Variants in FAM135B observed in about 807,000 individuals in gnomAD.
FAM135B encodes the protein family with sequence similarity 135 member B, also known as protein FAM135B.
A neutral mutation model predicts 127.7 loss-of-function variants in FAM135B; 43 were observed. The observed-to-expected ratio is 0.34, with a 90% CI of 0.26 to 0.43. The LOEUF is 0.43. Ranked by LOEUF, FAM135B falls within the 20% of genes least tolerant of loss-of-function variation. FAM135B has a pLI of 1.00. For synonymous variants in FAM135B, 670 were observed against 665.1 expected (o/e 1.01, Z -0.11); for missense variants, 1,558 against 1,725.6 (o/e 0.90, Z 1.72).
At chr8:138,218,590 A>C (rs1376644067) in intron 7 of FAM135B, among the ~76,000 whole-genome samples, 1 of 152,166 alleles carries the variant, frequency 6.6e-6, no homozygotes, top group African/African-American at 2.4e-5. Flanking sequence ...TAGAAAAGTT[A>C]AAAAGATGAT....
intron 2 of FAM135B, chr8:138,367,274 A>C (rs1266876183): frequency 2.4e-6 from 1 of 415,294 alleles, no homozygotes; most frequent in Non-Finnish European, 4.8e-6. Flanking sequence ...TCATGAAGAC[A>C]TGTAGTTCAC....
At chr8:138,383,633 T>A in intron 1 of FAM135B, among the ~76,000 whole-genome samples, 1 of 152,232 alleles carries the variant, frequency 6.6e-6, no homozygotes, top group Non-Finnish European at 1.5e-5. Flanking sequence ...AAACTCAACA[T>A]GAGAAGTCAT....
chr8:138,362,279 ATATCT>A (rs1180433351), intron 2 of FAM135B, among the ~76,000 whole-genome samples: 5,061 of 122,438 alleles, frequency 0.041, 152 homozygotes, highest in East Asian at 0.12. Flanking sequence ...CCCCACCCCC[ATATCT>A]TTTTTTTTTT....
intron 1 of FAM135B, among the ~76,000 whole-genome samples, chr8:138,423,740 A>G (rs1587417571): frequency 6.6e-6 from 1 of 152,168 alleles, no homozygotes; most frequent in African/African-American, 2.4e-5. Context: ...CAGACAACCT[A>G]TCTGACCAAA....
At chr8:138,427,011 G>A (rs559330929) in intron 1 of FAM135B, among the ~76,000 whole-genome samples, 1 of 151,916 alleles carries the variant, frequency 6.6e-6, no homozygotes, top group Non-Finnish European at 1.5e-5. Context: ...TGGATTAATT[G>A]CATAATAATG....
At chr8:138,200,631 C>A (rs73717960) in intron 7 of FAM135B, among the ~76,000 whole-genome samples, 343 of 152,218 alleles carry the variant, frequency 2.3e-3, no homozygotes, top group African/African-American at 7.9e-3. Context: ...GTGTCCCATT[C>A]CCCCCAGCCT....
At chr8:138,147,259 A>G (rs1402951467) in intron 14 of FAM135B, among the ~76,000 whole-genome samples, 1 of 148,472 alleles carries the variant, frequency 6.7e-6, no homozygotes, top group Non-Finnish European at 1.5e-5. Flanking sequence ...TTCCCTAATG[A>G]TATGCCAGGG....
intron 3 of FAM135B, among the ~76,000 whole-genome samples, chr8:138,267,484 G>A (rs571245903): frequency 6.9e-6 from 1 of 145,812 alleles, no homozygotes; most frequent in Admixed American, 7.0e-5. Flanking sequence ...TCCAGTGAAA[G>A]AATAAAATGC....
At chr8:138,300,910 C>T (rs893404794) in intron 3 of FAM135B, among the ~76,000 whole-genome samples, 1 of 151,952 alleles carries the variant, frequency 6.6e-6, no homozygotes, top group African/African-American at 2.4e-5. Context: ...ACCAACACGC[C>T]CAGCTAATTT....
At chr8:138,227,714 CTTTTTTTTTTT>C (rs761660500) in intron 7 of FAM135B, among the ~76,000 whole-genome samples, 5 of 81,824 alleles carry the variant, frequency 6.1e-5, no homozygotes, top group South Asian at 4.7e-4. Flanking sequence ...TTTTGTCTCT[CTTTTTTTTTTT>C]TTTTTTTTTT....
At chr8:138,376,053 G>A (rs1206775793) in intron 1 of FAM135B, among the ~76,000 whole-genome samples, 2 of 152,130 alleles carry the variant, frequency 1.3e-5, no homozygotes, top group Admixed American at 1.3e-4. Flanking sequence ...GAGTGAGGTG[G>A]CATGATCTCG....
intron 7 of FAM135B, among the ~76,000 whole-genome samples, chr8:138,226,274 C>A (rs932983687): frequency 6.6e-6 from 1 of 150,948 alleles, no homozygotes; most frequent in African/African-American, 2.4e-5. Context: ...ATGGAGACAC[C>A]ATGATGAACA....
intron 3 of FAM135B, among the ~76,000 whole-genome samples, chr8:138,278,851 T>C (rs10875421): frequency 0.66 from 99,765 of 151,958 alleles, 33,096 homozygotes; most frequent in African/African-American, 0.76. Flanking sequence ...ACAGGGTTGT[T>C]GTGAGTATCA....
chr8:138,317,691 G>C (rs553952134), intron 2 of FAM135B, among the ~76,000 whole-genome samples: 1 of 152,208 alleles, frequency 6.6e-6, no homozygotes, highest in African/African-American at 2.4e-5. Context: ...TGGAGAAAAC[G>C]CAAACGCCTA....
intron 1 of FAM135B, among the ~76,000 whole-genome samples, chr8:138,421,560 C>T (rs1024752557): frequency 6.6e-6 from 1 of 151,998 alleles, no homozygotes; most frequent in Non-Finnish European, 1.5e-5. Flanking sequence ...TAATAAAACA[C>T]CTAAGAATAC....
chr8:138,444,159 T>C (rs1055163742), intron 1 of FAM135B, among the ~76,000 whole-genome samples: 1 of 152,106 alleles, frequency 6.6e-6, no homozygotes, highest in African/African-American at 2.4e-5. Flanking sequence ...AGCAAGTCCT[T>C]AGAGACCTAC....
intron 7 of FAM135B, among the ~76,000 whole-genome samples, chr8:138,237,150 A>ATTTTTTTTTTT (rs10604150): frequency 5.9e-5 from 6 of 101,318 alleles, no homozygotes; most frequent in African/African-American, 1.7e-4. Context: ...TGGATCCTTG[A>ATTTTTTTTTTT]TTTTTTTTTT....
chr8:138,248,491 C>T (rs912795901), intron 6 of FAM135B, among the ~76,000 whole-genome samples: 3 of 152,152 alleles, frequency 2.0e-5, no homozygotes, highest in Non-Finnish European at 2.9e-5. Flanking sequence ...TGCACCTCCT[C>T]ATCATCCCTG....
chr8:138,136,098 A>G (rs1816639279), intron 19 of FAM135B, among the ~76,000 whole-genome samples: 1 of 151,954 alleles, frequency 6.6e-6, no homozygotes, highest in African/African-American at 2.4e-5. Flanking sequence ...GTTACTTTTC[A>G]TTACATATAC....
Sources: allele counts gnomAD v4.1 joint callset (sites outside exome capture counted in the v4.1 genomes callset), GRCh38; gene constraint gnomAD v4.1.1; transcripts MANE v1.5; gene names NCBI Gene and HGNC (gene_info 2026-07-23, HGNC 2026-07-21).